Variants in ITGA6 observed in about 807,000 individuals in gnomAD.
ITGA6 encodes the protein integrin alpha-6.
A neutral mutation model predicts 133.6 loss-of-function variants in ITGA6; 63 were observed. The observed-to-expected ratio is 0.47, with a 90% CI of 0.38 to 0.58. The LOEUF (loss-of-function observed/expected upper bound fraction) is 0.58, where lower values mean the gene tolerates loss of function less well. Ranked by LOEUF, ITGA6 falls within the 20% of genes least tolerant of loss-of-function variation. The pLI is 0.00. For missense variants in ITGA6, 1,068 were observed against 1,309.4 expected (o/e 0.82, Z 2.85); for synonymous variants, 434 against 482.0 (o/e 0.90, Z 1.30).
chr2:172,448,589 C>A (rs1464765767), intron 1 of ITGA6, among the ~76,000 whole-genome samples: 5 of 152,122 alleles, frequency 3.3e-5, no homozygotes, highest in Non-Finnish European at 7.4e-5. Context: ...GCTTGTTTGC[C>A]TCCTTTGAAA....
chr2:172,438,179 G>C (rs1196299781), intron 1 of ITGA6, among the ~76,000 whole-genome samples: 2 of 151,668 alleles, frequency 1.3e-5, no homozygotes, highest in Non-Finnish European at 2.9e-5. Context: ...GAGCTGGTTT[G>C]ATGAAGATGA....
In ITGA6 at chr2:172,428,032, G is replaced by A. The variant is rs981937161; in HGVS notation, c.182+62G>A. On this transcript the variant is annotated intron_variant, in intron 1 of 25. Coordinates refer to ENST00000684293, the MANE Select transcript of ITGA6 (RefSeq NM_000210.4). ...CCGGCCTGCGCGCGAGTTGAGGCGA[G>A]GGCGCGCCCTGTTCCCGCCGGCCCC... 9 of 1,540,784 alleles carry A rather than the reference G, an allele frequency of 5.8e-6. No individual in the cohort carries two copies. The East Asian group carries it at 1.1e-4, about 19-fold the overall frequency.
intron 11 of ITGA6, among the ~76,000 whole-genome samples, chr2:172,481,592 A>G (rs1167740867): frequency 6.6e-6 from 1 of 152,110 alleles, no homozygotes; most frequent in Non-Finnish European, 1.5e-5. Context: ...GTTAGCCTTC[A>G]TCTTTCCAGA....
chr2:172,487,340 T>C lies in ITGA6; in HGVS notation c.2047T>C (p.Ser683Pro), dbSNP rs1686728486. The C allele has an allele frequency of 6.2e-7, 1 of 1,614,016 alleles. No homozygotes were observed. The highest frequency in any genetic ancestry group is 1.3e-5 in the African/African-American group (1 of 74,938). ...ALEITVTNSP[S>P]NPRNPTKDGD... ...AGAAATAACAGTGACAAACAGCCCT[T>C]CCAACCCAAGGAATCCCACAAAAGA... The change falls in exon 15 of 26, where the codon TCC becomes CCC. Residue 683 changes from serine to proline, a missense_variant. Coordinates refer to ENST00000684293, the MANE Select transcript of ITGA6 (RefSeq NM_000210.4).
Position 172,491,516 on chromosome 2 carries a change from G to A in ITGA6, c.2981G>A (p.Gly994Asp), listed in dbSNP as rs766690941. The A allele has an allele frequency of 6.8e-6, 11 of 1,608,972 alleles. No individual in the cohort carries two copies. In the Admixed American group the frequency reaches 1.5e-4, roughly 22 times the overall value. ...AAENIRLPNA[G>D]TQVRVTVFPS... ...GAAAATATCAGGCTGCCAAATGCAG[G>A]CACTCAGGTGAGAGGTTCCCCAGCT... The change falls in exon 23 of 26, where the codon GGC becomes GAC. Residue 994 changes from glycine to aspartate, a missense_variant. Physicochemically the swap from Gly to Asp is moderately conservative, Grantham distance 94 (BLOSUM62 -1). Transcript: ENST00000684293. The surrounding 1 kb of genome is among the most constrained non-coding windows in gnomAD (Gnocchi z 4.4).
At chr2:172,428,832 C>T (rs370560308) in intron 1 of ITGA6, among the ~76,000 whole-genome samples, 14 of 152,340 alleles carry the variant, frequency 9.2e-5, no homozygotes, top group African/African-American at 3.1e-4. Flanking sequence ...CTGGCCTCTC[C>T]TTTTATTTCT....
chr2:172,468,129 AAAACT>A (rs1336043142), intron 3 of ITGA6, among the ~76,000 whole-genome samples: 1 of 152,232 alleles, frequency 6.6e-6, no homozygotes, highest in African/African-American at 2.4e-5. Context: ...AAAACAAAAC[AAAACT>A]AGACATCATT....
chr2:172,505,755 C>T lies in ITGA6; in HGVS notation c.*1687C>T, dbSNP rs1687534415. The T allele has an allele frequency of 6.6e-6, 1 of 152,492 alleles. No individual in the cohort carries two copies. Among genetic ancestry groups the T allele is most frequent in the South Asian group, 2.1e-4 (1 of 4,828 alleles). 9.4% of individuals were successfully genotyped at this position (152,492 alleles called of 1,614,324 possible). On this transcript the variant is annotated 3_prime_UTR_variant, in exon 26 of 26. Coordinates refer to ENST00000684293, the MANE Select transcript of ITGA6 (RefSeq NM_000210.4). ...TTTTTTCTTTTCGGAAATCTTAAAC[C>T]TTAAGATACTAAGGACGTTGTTTTG...
intron 1 of ITGA6, among the ~76,000 whole-genome samples, chr2:172,456,675 G>A (rs974333705): frequency 6.6e-6 from 1 of 152,204 alleles, no homozygotes; most frequent in Non-Finnish European, 1.5e-5. Context: ...GCACCCCCAG[G>A]AAGAGAGGGA....
At chr2:172,430,316 G>A (rs956057327) in intron 1 of ITGA6, among the ~76,000 whole-genome samples, 10 of 152,306 alleles carry the variant, frequency 6.6e-5, no homozygotes, top group African/African-American at 2.2e-4. Context: ...ACCTTACAAG[G>A]TGTCTTAAAC....
chr2:172,462,967 C>T (rs1685494599), intron 1 of ITGA6, among the ~76,000 whole-genome samples: 1 of 152,224 alleles, frequency 6.6e-6, no homozygotes, highest in Non-Finnish European at 1.5e-5. Flanking sequence ...TGGCCACCTC[C>T]AGTCCCGCTG....
intron 20 of ITGA6, chr2:172,489,897 T>G: frequency 2.1e-6 from 1 of 465,186 alleles, no homozygotes; most frequent in Non-Finnish European, 3.9e-6. Context: ...AGGCAAATGG[T>G]ATTTTCTGAT....
chr2:172,479,517 G>C, intron 9 of ITGA6, 124 bp from the exon 10 acceptor site: 2 of 799,130 alleles, frequency 2.5e-6, no homozygotes, highest in South Asian at 1.3e-5. Context: ...AAAACGTCAC[G>C]TGTATTTTTT....
chr2:172,498,176 G>T (rs1043236576), intron 24 of ITGA6, 76 bp downstream of exon 24: 2 of 1,412,164 alleles, frequency 1.4e-6, no homozygotes, highest in South Asian at 2.3e-5. Flanking sequence ...AGCACTGATA[G>T]TACGTTTTCT....
rs536621722 is a variant in ITGA6, at chr2:172,443,854, A to G, written c.182+15884A>G. ...GAGTGGTGCACTCACGGGTTACTGCAGCCTCAACCTCCTGGGCTCAGGTGA... is the reference window on the plus strand; with the variant it reads ...GAGTGGTGCACTCACGGGTTACTGCGGCCTCAACCTCCTGGGCTCAGGTGA... On this transcript the variant is annotated intron_variant, in intron 1 of 25. Transcript: ENST00000684293. 2.6e-5 allele frequency among the ~76,000 whole-genome samples: 4 copies of G among 152,332 alleles called. No individual in the cohort carries two copies. The South Asian group carries it at 8.3e-4, about 32-fold the overall frequency.
chr2:172,489,008 A>G (rs1050861700), intron 19 of ITGA6, among the ~76,000 whole-genome samples: 4 of 152,136 alleles, frequency 2.6e-5, no homozygotes, highest in Admixed American at 2.6e-4. Flanking sequence ...TTGGACTCTC[A>G]GATTCATGGC....
At chr2:172,460,632 C>T (rs1685393969) in intron 1 of ITGA6, among the ~76,000 whole-genome samples, 1 of 152,158 alleles carries the variant, frequency 6.6e-6, no homozygotes, top group South Asian at 2.1e-4. Flanking sequence ...AGTTTGGAAT[C>T]TGTTGCTTTC....
chr2:172,484,903 G>C lies in ITGA6; in HGVS notation c.1671G>C (p.Gln557His). Residue 557 changes from glutamine to histidine, a missense_variant, in exon 12 of 26, where the codon CAG becomes CAC. By Grantham distance (24) the Gln-to-His change is conservative. Coordinates refer to ENST00000684293, the MANE Select transcript of ITGA6 (RefSeq NM_000210.4). Reference protein sequence around the residue: ...KYTQELTLKRQKQKVCMEETL... With the variant: ...KYTQELTLKRHKQKVCMEETL... Reference sequence around the variant, plus strand: ...CTCAAGAACTAACTCTGAAGAGGCAGAAACAGAAAGTGTGCATGGAGGAAA... The same window carrying C: ...CTCAAGAACTAACTCTGAAGAGGCACAAACAGAAAGTGTGCATGGAGGAAA... The C allele has an allele frequency of 1.2e-6, 2 of 1,614,204 alleles. No homozygotes were observed.
At chr2:172,427,472 T>A (rs921424440), upstream of ITGA6, 104 of 1,059,430 alleles carry the variant, frequency 9.8e-5, no homozygotes, top group Non-Finnish European at 1.1e-4. Flanking sequence ...AGCCGGCGGG[T>A]AAGGTGCGGG....
Sources: gnomAD v4.1 joint callset for allele counts (sites outside exome capture counted in the v4.1 genomes callset) on GRCh38, gnomAD v4.1.1 for gene constraint, Gnocchi (gnomAD v3.1) non-coding constraint, MANE v1.5 for transcripts, NCBI Gene and HGNC (gene_info 2026-07-23, HGNC 2026-07-21) for gene names.